Variants in PRR16 observed in about 807,000 individuals in gnomAD.
The protein encoded by PRR16 is protein Largen.
A neutral mutation model predicts 18.2 loss-of-function variants in PRR16; 6 were observed. That is an observed-to-expected ratio of 0.33 (90% CI 0.18 to 0.65). The LOEUF (loss-of-function observed/expected upper bound fraction) is 0.65, where lower values mean the gene tolerates loss of function less well. Among genes scored for constraint, PRR16 ranks in the 30% least tolerant of loss-of-function variants. The probability of loss-of-function intolerance (pLI) is 0.74; values close to 1 mark genes in which losing one functional copy is unlikely to be tolerated. For synonymous variants in PRR16, 151 were observed against 147.8 expected, an observed-to-expected ratio of 1.02 and a Z score of -0.16; for missense variants, 412 against 376.6, an observed-to-expected ratio of 1.09 and a Z score of -0.78.
At chr5:120,655,552 A>T (rs192856915) in intron 1 of PRR16, among the ~76,000 whole-genome samples, 1 of 151,804 alleles carries the variant, frequency 6.6e-6, no homozygotes. Flanking sequence ...CTGATAACCA[A>T]ATTTAGTGCT....
chr5:120,549,145 T>C (rs149618177), intron 1 of PRR16, among the ~76,000 whole-genome samples: 371 of 152,174 alleles, frequency 2.4e-3, no homozygotes, highest in Admixed American at 4.5e-3. Flanking sequence ...CTCCAGGCTG[T>C]AGTGTGATGG....
chr5:120,727,534 A>G, the PRR16 span, among the ~76,000 whole-genome samples: 5 of 152,124 alleles, frequency 3.3e-5, no homozygotes, highest in Non-Finnish European at 5.9e-5. Context: ...GCAGATACCC[A>G]TTTTAGAAAG....
the PRR16 span, among the ~76,000 whole-genome samples, chr5:120,728,029 C>T: frequency 6.6e-5 from 10 of 151,778 alleles, no homozygotes; most frequent in African/African-American, 1.7e-4. Flanking sequence ...AAAGTAGGGG[C>T]AGTGTTTGTG....
chr5:120,646,048 T>TTTTATATATATATATATATATA (rs748781292), intron 1 of PRR16, among the ~76,000 whole-genome samples: 1 of 104,984 alleles, frequency 9.5e-6, no homozygotes, highest in Non-Finnish European at 2.1e-5. Context: ...AATACATATT[T>TTTTATATATATATATATATATA]TATATATATA....
intron 1 of PRR16, chr5:120,465,682 C>T (rs1448486831): frequency 6.6e-6 from 1 of 152,012 alleles, no homozygotes. Flanking sequence ...GCGCCGCTCA[C>T]TACTGAATGG....
At chr5:120,532,519 G>A (rs1751584660) in intron 1 of PRR16, among the ~76,000 whole-genome samples, 1 of 151,982 alleles carries the variant, frequency 6.6e-6, no homozygotes, top group African/African-American at 2.4e-5. Context: ...AATCTTATAT[G>A]ACATCAGACT....
the PRR16 span, among the ~76,000 whole-genome samples, chr5:120,693,271 C>T: frequency 6.6e-6 from 1 of 152,100 alleles, no homozygotes; most frequent in Non-Finnish European, 1.5e-5. Flanking sequence ...TGGTTTAAAA[C>T]GTAGATAATG....
At chr5:120,472,698 G>C (rs1749307579) in intron 1 of PRR16, among the ~76,000 whole-genome samples, 1 of 152,100 alleles carries the variant, frequency 6.6e-6, no homozygotes, top group Admixed American at 6.6e-5. Context: ...AATACTGATG[G>C]CTGTGGTTTG....
the PRR16 span, among the ~76,000 whole-genome samples, chr5:120,721,164 C>G: frequency 3.9e-5 from 6 of 151,938 alleles, no homozygotes; most frequent in Non-Finnish European, 8.8e-5. Flanking sequence ...TTAAATAAGA[C>G]TTTATTCAGT....
In PRR16 at chr5:120,506,018, A is replaced by G. The variant is rs1448757701; in HGVS notation, c.159+41373A>G. Among the ~76,000 whole-genome samples the G allele has an allele frequency of 2.0e-5, 3 of 150,732 alleles. No individual in the cohort carries two copies. In the East Asian group the frequency reaches 5.9e-4, roughly 29 times the overall value. On this transcript the variant is annotated intron_variant, in intron 1 of 1. Transcript: ENST00000407149. ...CATCTAGTTTCATCACATTTACTTC[A>G]TCATGTTCACTTGTAAGCCTGTATC...
At chr5:120,556,233 G>GTTTTTTTTTTTTTTTTTTT (rs34053155) in intron 1 of PRR16, among the ~76,000 whole-genome samples, 1 of 121,758 alleles carries the variant, frequency 8.2e-6, no homozygotes, top group Non-Finnish European at 1.7e-5. Context: ...CAATTTCATT[G>GTTTTTTTTTTTTTTTTTTT]TTTTTTTTTT....
chr5:120,784,768 G>A, the PRR16 span, among the ~76,000 whole-genome samples: 6 of 152,050 alleles, frequency 3.9e-5, no homozygotes, highest in African/African-American at 7.2e-5. Flanking sequence ...ATTATAGCAC[G>A]TTTTACATTT....
chr5:120,484,022 C>T (rs142513447), intron 1 of PRR16, among the ~76,000 whole-genome samples: 2,448 of 152,000 alleles, frequency 0.016, 28 homozygotes, highest in Non-Finnish European at 0.026. Context: ...TTCTTTCCTT[C>T]TAAAAATTTG....
chr5:120,644,378 A>C (rs773098386), intron 1 of PRR16, among the ~76,000 whole-genome samples: 6 of 152,092 alleles, frequency 3.9e-5, no homozygotes, highest in Middle Eastern at 3.4e-3. Context: ...GTATGTTAAG[A>C]ATCTTGGAAA....
the PRR16 span, among the ~76,000 whole-genome samples, chr5:120,785,894 T>C: frequency 1.3e-5 from 2 of 151,824 alleles, no homozygotes; most frequent in Admixed American, 6.6e-5. Context: ...TGCTCTTTTT[T>C]CCTGATTTCT....
chr5:120,687,504 C>T (rs181463149), downstream of PRR16, among the ~76,000 whole-genome samples: 1 of 152,176 alleles, frequency 6.6e-6, no homozygotes. Context: ...CCATTTGGTA[C>T]TTCAAGAGCC....
At chr5:120,770,950 T>TCTCA in the PRR16 span, among the ~76,000 whole-genome samples, 32 of 148,964 alleles carry the variant, frequency 2.1e-4, no homozygotes, top group East Asian at 1.8e-3. Flanking sequence ...TCTCTCTCTC[T>TCTCA]CACACACACA....
At chr5:120,562,060 A>T (rs917922314) in intron 1 of PRR16, among the ~76,000 whole-genome samples, 1 of 152,132 alleles carries the variant, frequency 6.6e-6, no homozygotes, top group Non-Finnish European at 1.5e-5. Context: ...AGATCTGTTC[A>T]ATCCTGAATA....
intron 1 of PRR16, among the ~76,000 whole-genome samples, chr5:120,548,932 T>C (rs1020154900): frequency 6.7e-6 from 1 of 149,954 alleles, no homozygotes; most frequent in African/African-American, 2.5e-5. Context: ...ATGCTGAAAA[T>C]AAACTGTCGC....
Sources: allele counts gnomAD v4.1 joint callset (sites outside exome capture counted in the v4.1 genomes callset), GRCh38; gene constraint gnomAD v4.1.1; transcripts MANE v1.5; gene names NCBI Gene and HGNC (gene_info 2026-07-23, HGNC 2026-07-21).